Variants in MED23 observed in about 807,000 individuals in gnomAD.
MED23 encodes the protein mediator of RNA polymerase II transcription subunit 23.
A neutral mutation model predicts 163.9 loss-of-function variants in MED23; 105 were observed. The observed-to-expected ratio is 0.64, with a 90% CI of 0.55 to 0.75. The LOEUF is 0.75. Among genes scored for constraint, MED23 ranks in the 30% least tolerant of loss-of-function variants. The pLI is 0.00. For missense variants in MED23, 1,054 were observed against 1,649.0 expected (o/e 0.64, Z 6.25); for synonymous variants, 561 against 565.6 (o/e 0.99, Z 0.12).
At chr6:131,608,192 T>C (rs1478727792) in intron 11 of MED23, 121 bp from the exon 12 acceptor site, 1 of 1,082,090 alleles carries the variant, frequency 9.2e-7, no homozygotes, top group African/African-American at 1.6e-5. Flanking sequence ...TCTGAGAAAG[T>C]CAGCATCTAA....
intron 18 of MED23, among the ~76,000 whole-genome samples, chr6:131,599,742 A>AC (rs1235722857): frequency 6.7e-6 from 1 of 150,336 alleles, no homozygotes; most frequent in Non-Finnish European, 1.5e-5. Flanking sequence ...GTAAGTAATG[A>AC]CTTTTTTTTT....
chr6:131,581,101 T>A, intron 30 of MED23: 1 of 982,496 alleles, frequency 1.0e-6, no homozygotes, highest in African/African-American at 1.6e-5. Context: ...TCAGAACCTA[T>A]CAGAAATATC....
chr6:131,594,223 A>G lies in MED23; in HGVS notation c.3108T>C (p.Asp1036=). 6.2e-7 allele frequency: 1 copy of G among 1,614,202 alleles called. No homozygotes were observed. The highest frequency in any genetic ancestry group is 8.5e-7 in the Non-Finnish European group (1 of 1,180,034). ...LVHAIIGSLK[D]NRPQGWCLSD... ...TTAGACACCAGCCCTGCGGTCGATT[A>G]TCCTTCAGAGAGCCAATGATCGCAT... Residue 1036 remains aspartate, a synonymous_variant, in exon 23 of 29, where the codon GAT becomes GAC. Coordinates refer to ENST00000368068, the MANE Select transcript of MED23 (RefSeq NM_004830.4).
chr6:131,610,474 A>C (rs1182162050), intron 10 of MED23, among the ~76,000 whole-genome samples: 1 of 152,200 alleles, frequency 6.6e-6, no homozygotes, highest in Non-Finnish European at 1.5e-5. Flanking sequence ...CAGACTTCCC[A>C]TTAACTTTTG....
chr6:131,606,369 G>C lies in MED23; in HGVS notation c.1367+110C>G, dbSNP rs73550976. The C allele has an allele frequency of 4.8e-3, 5,286 of 1,090,242 alleles. 170 individuals are homozygous for C. In the African/African-American group the frequency reaches 0.072, roughly 15 times the overall value. 67.5% of individuals were successfully genotyped at this position (1,090,242 alleles called of 1,614,324 possible). A position where few individuals can be genotyped will look rare whatever the true frequency, so the allele number is the denominator to read the frequency against. Reference sequence around the variant, plus strand: ...CATCAAGTATTTGCCCTTACCTATAGTGGGTATGCGGAGATTTCCAAATTT... The same window carrying C: ...CATCAAGTATTTGCCCTTACCTATACTGGGTATGCGGAGATTTCCAAATTT... On this transcript the variant is annotated intron_variant, in intron 13 of 28. Transcript: ENST00000368068.
rs113089165 is a variant in MED23 at position 131,574,241 on chromosome 6, G to A, written c.*52C>T. 4.3e-5 allele frequency: 69 copies of A among 1,609,986 alleles called. No individual in the cohort carries two copies. In the African/African-American group the frequency reaches 5.5e-4, roughly 13 times the overall value. Reference sequence around the variant, plus strand: ...TTTCTCCAGGTTTCTCAGGATCTGGGCAGCGTTTTGCTTCCTCTTAATTTG... The same window carrying A: ...TTTCTCCAGGTTTCTCAGGATCTGGACAGCGTTTTGCTTCCTCTTAATTTG... On this transcript the variant is annotated 3_prime_UTR_variant, in exon 31 of 31. Coordinates refer to the MED23 transcript ENST00000354577.
chr6:131,594,043 T>C, intron 23 of MED23, 56 bp downstream of exon 23: 1 of 1,415,078 alleles, frequency 7.1e-7, no homozygotes, highest in Non-Finnish European at 9.9e-7. Flanking sequence ...AAATATATTC[T>C]CATAAATCAA....
At chr6:131,581,491 C>A (rs1004483510) in intron 30 of MED23, 2 of 1,272,298 alleles carry the variant, frequency 1.6e-6, no homozygotes, top group Non-Finnish European at 2.2e-6. Context: ...AATCTCAAAT[C>A]ATTTTCTCTG....
At chr6:131,578,514 G>A (rs1353398255) in intron 30 of MED23, among the ~76,000 whole-genome samples, 2 of 152,084 alleles carry the variant, frequency 1.3e-5, no homozygotes, top group African/African-American at 4.8e-5. Flanking sequence ...TAACTAAAAA[G>A]CTTTATTTCC....
rs112981193 is a variant in MED23 at position 131,621,572 on chromosome 6, G to C, written c.495+309C>G. ...TTAAACAGGAGTGCAACAGACCAAC[G>C]TAACAATTCTTGCGATACTAGTTAC... On this transcript the variant is annotated intron_variant, in intron 6 of 28. Coordinates refer to ENST00000368068, the MANE Select transcript of MED23 (RefSeq NM_004830.4). Among the ~76,000 whole-genome samples, 746 of 152,200 alleles carry C rather than the reference G, an allele frequency of 4.9e-3. 4 individuals are homozygous for C. The highest frequency in any genetic ancestry group is 0.02 in the Middle Eastern group (6 of 294).
chr6:131,587,859 A>G lies in MED23; in HGVS notation c.3940-13T>C, dbSNP rs1364590739. 3 of 1,600,102 alleles carry G rather than the reference A, an allele frequency of 1.9e-6. No homozygotes were observed. The Admixed American group carries it at 5.1e-5, about 27-fold the overall frequency. The stretch of plus-strand genomic sequence containing the variant: ...TAATCTTCTCTACCTAAGAAATAAA[A>G]ACACATTAAAACGTACTTTAATCAG... On this transcript the variant is annotated splice_polypyrimidine_tract_variant and intron_variant, in intron 28 of 28. Coordinates refer to ENST00000368068, the MANE Select transcript of MED23 (RefSeq NM_004830.4).
At chr6:131,615,390 A>C (rs1190953943) in intron 10 of MED23, 1 of 1,589,670 alleles carries the variant, frequency 6.3e-7, no homozygotes, top group East Asian at 2.2e-5. Flanking sequence ...AACAAAAATA[A>C]AGGAAGAAAA....
At chr6:131,619,538 A>G (rs1431018464) in intron 8 of MED23, among the ~76,000 whole-genome samples, 1 of 151,878 alleles carries the variant, frequency 6.6e-6, no homozygotes, top group Non-Finnish European at 1.5e-5. Context: ...TAGAAATTCC[A>G]TGGTGCTTTA....
At position 131,596,179 on chromosome 6, in the gene MED23, G is replaced by GA. The variant is rs1413305075; in HGVS notation, c.2779-17dup. ...CTGGATATTTCTGTGGAATTGAGAA[G>GA]ATGATAAATGGTTAGAGCATTTTTT... On this transcript the variant is annotated splice_polypyrimidine_tract_variant and intron_variant, in intron 21 of 28. Transcript: ENST00000368068. The GA allele has an allele frequency of 1.9e-6, 3 of 1,604,458 alleles. No individual in the cohort carries two copies. The African/African-American group carries it at 4.0e-5, about 21-fold the overall frequency.
In MED23 at chr6:131,620,731, TA is replaced by T; in HGVS notation, c.496-3del. The T allele has an allele frequency of 6.3e-7, 1 of 1,590,140 alleles. No homozygotes were observed. Among genetic ancestry groups the T allele is most frequent in the Non-Finnish European group, 8.6e-7 (1 of 1,159,034 alleles). Reference sequence around the variant, plus strand: ...TCTTTCCAAGATATATGCTATAACCTAAGAAAAACAAAAAGGCCACATCATT... The same window carrying T: ...TCTTTCCAAGATATATGCTATAACCTAGAAAAACAAAAAGGCCACATCATT... On this transcript the variant is annotated splice_polypyrimidine_tract_variant and splice_region_variant and intron_variant, in intron 6 of 28. Transcript: ENST00000368068.
At position 131,587,659 on chromosome 6, in the gene MED23, C is replaced by T; in HGVS notation, c.*20G>A. On this transcript the variant is annotated 3_prime_UTR_variant, in exon 29 of 29. Transcript: ENST00000368068. ...TCAAAGACGGATATATTTCTACTTT[C>T]TCCACAGTACAGTCTGGCTTCACTG... The T allele has an allele frequency of 1.9e-6, 3 of 1,613,960 alleles. No homozygotes were observed. The highest frequency in any genetic ancestry group is 1.7e-6 in the Non-Finnish European group (2 of 1,179,926).
downstream of MED23, chr6:131,583,173 C>A (rs1774025291): frequency 6.2e-7 from 1 of 1,611,292 alleles, no homozygotes; most frequent in Non-Finnish European, 8.5e-7. Flanking sequence ...AGGTAGGATT[C>A]TTTTGTGTGT....
intron 30 of MED23, among the ~76,000 whole-genome samples, chr6:131,577,082 C>T (rs1773651607): frequency 6.6e-6 from 1 of 152,080 alleles, no homozygotes; most frequent in Admixed American, 6.6e-5. Flanking sequence ...AAGAGGACCC[C>T]TATTTGTGAA....
chr6:131,627,722 C>T (rs1238484740), intron 1 of MED23, 50 bp from the exon 2 acceptor site: 1 of 1,546,956 alleles, frequency 6.5e-7, no homozygotes, highest in South Asian at 1.2e-5. Flanking sequence ...TTTAAAAAGG[C>T]GCCTCCCTTA....
Sources: allele counts gnomAD v4.1 joint callset (sites outside exome capture counted in the v4.1 genomes callset), GRCh38; gene constraint gnomAD v4.1.1; transcripts MANE v1.5; gene names NCBI Gene and HGNC (gene_info 2026-07-23, HGNC 2026-07-21).